The following NCKAP5 variants were observed in gnomAD, a reference collection of about 807,000 sequenced individuals.
NCKAP5 encodes NCK associated protein 5.
NCKAP5 carries 92 observed loss-of-function variants against 167.0 expected under a neutral mutation model. The ratio of observed to expected loss-of-function variants is 0.55; its 90% CI spans 0.47 to 0.66. The LOEUF is 0.66. NCKAP5 is among the 30% of genes least tolerant of loss of function. NCKAP5 has a pLI of 0.00. For missense variants in NCKAP5, 2,378 were observed against 2,315.0 expected (o/e 1.03, Z -0.56); for synonymous variants, 891 against 877.4 (o/e 1.02, Z -0.27).
chr2:133,383,909 G>GT (rs1553629027), intron 3 of NCKAP5, among the ~76,000 whole-genome samples: 7 of 151,924 alleles, frequency 4.6e-5, no homozygotes, highest in African/African-American at 1.7e-4. Context: ...TTTTGATGGG[G>GT]TTGTTTTTTT....
chr2:133,214,215 A>G (rs1454961256), intron 4 of NCKAP5, among the ~76,000 whole-genome samples: 1 of 152,212 alleles, frequency 6.6e-6, no homozygotes, highest in Non-Finnish European at 1.5e-5. Flanking sequence ...ATAACAATAG[A>G]AAATCATTTG....
chr2:133,061,801 A>C (rs1238697846), intron 6 of NCKAP5, among the ~76,000 whole-genome samples: 1 of 152,210 alleles, frequency 6.6e-6, no homozygotes, highest in Non-Finnish European at 1.5e-5. Context: ...CTTTGCCATT[A>C]GTACCTGGTG....
At chr2:132,725,565 G>A (rs979312375) in intron 19 of NCKAP5, 62 bp downstream of exon 19, 24 of 1,541,110 alleles carry the variant, frequency 1.6e-5, no homozygotes, top group Non-Finnish European at 8.7e-7. Context: ...ACAGTGAAAG[G>A]TATAATCAGC....
chr2:133,660,527 G>A, the NCKAP5 span, among the ~76,000 whole-genome samples: 1 of 151,402 alleles, frequency 6.6e-6, no homozygotes. Flanking sequence ...TATACTTTGT[G>A]GTATTTTCAA....
intron 4 of NCKAP5, among the ~76,000 whole-genome samples, chr2:133,244,771 G>T (rs1434105241): frequency 6.6e-6 from 1 of 152,090 alleles, no homozygotes; most frequent in Non-Finnish European, 1.5e-5. Flanking sequence ...ATGAAGGAAA[G>T]TAACTCTTAA....
At chr2:132,705,400 C>T (rs1173496405) in intron 19 of NCKAP5, among the ~76,000 whole-genome samples, 1 of 152,102 alleles carries the variant, frequency 6.6e-6, no homozygotes, top group Non-Finnish European at 1.5e-5. Flanking sequence ...AATCAGACTA[C>T]CCCTATCATT....
intron 3 of NCKAP5, among the ~76,000 whole-genome samples, chr2:133,425,836 A>AT (rs1689758855): frequency 6.6e-6 from 1 of 152,218 alleles, no homozygotes; most frequent in African/African-American, 2.4e-5. Context: ...TGCTTATGGG[A>AT]TAAAAATTCA....
chr2:133,492,942 T>C (rs978850347), intron 3 of NCKAP5, among the ~76,000 whole-genome samples: 7 of 152,212 alleles, frequency 4.6e-5, no homozygotes, highest in African/African-American at 7.2e-5. Flanking sequence ...TTAAGGTACA[T>C]GTGACTCAAC....
the NCKAP5 span, among the ~76,000 whole-genome samples, chr2:133,618,412 A>G: frequency 6.6e-6 from 1 of 151,830 alleles, no homozygotes; most frequent in Admixed American, 6.6e-5. Context: ...TCATCTGACA[A>G]AGGGCTAATA....
intron 19 of NCKAP5, among the ~76,000 whole-genome samples, chr2:132,675,648 G>C (rs1684340554): frequency 6.6e-6 from 1 of 152,162 alleles, no homozygotes; most frequent in Admixed American, 6.5e-5. Context: ...GACCCCTGGA[G>C]GGAAGACAGA....
At chr2:132,716,565 C>G (rs1689388323) in intron 19 of NCKAP5, among the ~76,000 whole-genome samples, 1 of 151,820 alleles carries the variant, frequency 6.6e-6, no homozygotes, top group East Asian at 1.9e-4. Flanking sequence ...GGCTGCAACA[C>G]ATTTGAACTT....
intron 3 of NCKAP5, among the ~76,000 whole-genome samples, chr2:133,392,273 G>A (rs1282228796): frequency 6.6e-6 from 1 of 152,152 alleles, no homozygotes; most frequent in African/African-American, 2.4e-5. Context: ...CCTACAGAAT[G>A]TAGAACATAA....
At chr2:132,711,066 G>T (rs980520545) in intron 19 of NCKAP5, among the ~76,000 whole-genome samples, 1 of 152,160 alleles carries the variant, frequency 6.6e-6, no homozygotes, top group African/African-American at 2.4e-5. Flanking sequence ...ACTGTTCTAG[G>T]CACTAGTGAC....
chr2:133,074,931 G>T (rs2149570086), intron 6 of NCKAP5, among the ~76,000 whole-genome samples: 1 of 152,036 alleles, frequency 6.6e-6, no homozygotes, highest in East Asian at 1.9e-4. Context: ...AATATTTGAA[G>T]AAATGATAGC....
chr2:132,786,167 G>C (rs895717), intron 13 of NCKAP5, among the ~76,000 whole-genome samples: 149,796 of 152,286 alleles, frequency 0.98, 73,692 homozygotes, highest in East Asian at 1. Context: ...TAGGTTTGCC[G>C]TAGGTTAAAA....
At chr2:132,704,383 C>T (rs1402150241) in intron 19 of NCKAP5, among the ~76,000 whole-genome samples, 1 of 152,156 alleles carries the variant, frequency 6.6e-6, no homozygotes, top group Non-Finnish European at 1.5e-5. Flanking sequence ...GACATTTTAG[C>T]TTGCCACATA....
chr2:132,856,361 T>G (rs144422716), intron 11 of NCKAP5, among the ~76,000 whole-genome samples: 120 of 151,400 alleles, frequency 7.9e-4, no homozygotes, highest in African/African-American at 2.7e-3. Context: ...ACAAGTAGAA[T>G]GTAAAAGCCC....
chr2:132,878,466 A>G (rs1189231046), intron 9 of NCKAP5, among the ~76,000 whole-genome samples: 1 of 152,120 alleles, frequency 6.6e-6, no homozygotes, highest in Non-Finnish European at 1.5e-5. Context: ...ATGCCCCGAC[A>G]TGGTTCTTCT....
At chr2:133,498,098 G>A (rs969875291) in intron 3 of NCKAP5, among the ~76,000 whole-genome samples, 13 of 152,104 alleles carry the variant, frequency 8.5e-5, no homozygotes, top group South Asian at 2.1e-4. Flanking sequence ...TAGTGATTTC[G>A]GTTTTTGTGA....
Sources: allele counts gnomAD v4.1 joint callset (sites outside exome capture counted in the v4.1 genomes callset), GRCh38; gene constraint gnomAD v4.1.1; transcripts MANE v1.5; gene names NCBI Gene and HGNC (gene_info 2026-07-23, HGNC 2026-07-21).